Variants in GLRX2 observed in about 807,000 individuals in gnomAD.
GLRX2 encodes the protein bA101E13.1 (GRX2 glutaredoxin (thioltransferase) 2).
In GLRX2, 12 loss-of-function variants were observed where a neutral mutation model predicts 16.4. The observed-to-expected ratio is 0.73, with a 90% CI of 0.47 to 1.19. The LOEUF (loss-of-function observed/expected upper bound fraction) is 1.19, where lower values mean the gene tolerates loss of function less well. GLRX2 is among the 50% of genes most tolerant of loss of function. The pLI is 0.00. For synonymous variants in GLRX2, 95 were observed against 76.2 expected, an observed-to-expected ratio of 1.25 and a Z score of -1.28; for missense variants, 201 against 201.8, an observed-to-expected ratio of 1.00 and a Z score of 0.02.
chr1:193,096,637 T>C lies in GLRX2; in HGVS notation c.483A>G (p.Lys161=), dbSNP rs35090051. ...HQCYLKKSKR[K]EFQ ...ATTAGTATAAACATCACTGAAATTC[T>C]TTCCTCTTACTTTTTTTTAAATAAC... The change falls in exon 4 of 4, where the codon AAA becomes AAG. Residue 161 remains lysine, a synonymous_variant. Coordinates refer to ENST00000367439, the MANE Select transcript of GLRX2 (RefSeq NM_197962.3). 3.2e-4 allele frequency: 513 copies of C among 1,584,814 alleles called. 2 individuals are homozygous for C. In the African/African-American group the frequency reaches 6.0e-3, roughly 19 times the overall value.
chr1:193,101,487 G>C (rs1433264276), intron 1 of GLRX2, among the ~76,000 whole-genome samples: 1 of 152,112 alleles, frequency 6.6e-6, no homozygotes, highest in Non-Finnish European at 1.5e-5. Flanking sequence ...ATTTATAACT[G>C]GCAAATTTCA....
chr1:193,097,749 A>G lies in GLRX2; in HGVS notation c.195T>C (p.Ser65=), dbSNP rs1674988978. 1.9e-6 allele frequency: 3 copies of G among 1,580,800 alleles called. No homozygotes were observed. The highest frequency in any genetic ancestry group is 2.6e-6 in the Non-Finnish European group (3 of 1,167,508). ...TTGAGAAAATCACCACACAATTATC[A>G]GAAATTGTTTCCTGAAATAAAACCA... ...APVNQIQETI[S]DNCVVIFSKT... is the part of the protein sequence containing the mutation. The change falls in exon 3 of 4, where the codon TCT becomes TCC. Residue 65 remains serine, a synonymous_variant. Coordinates refer to ENST00000367439, the MANE Select transcript of GLRX2 (RefSeq NM_197962.3).
intron 2 of GLRX2, among the ~76,000 whole-genome samples, chr1:193,100,382 G>A (rs566054818): frequency 6.6e-6 from 1 of 152,326 alleles, no homozygotes; most frequent in South Asian, 2.1e-4. Context: ...GCTGAGGCAG[G>A]AGAATTGCTT....
intron 1 of GLRX2, among the ~76,000 whole-genome samples, chr1:193,104,673 G>A (rs1031724167): frequency 6.6e-6 from 1 of 152,224 alleles, no homozygotes; most frequent in African/African-American, 2.4e-5. Flanking sequence ...TGCAGGTCCC[G>A]AAGCCGCTGA....
chr1:193,104,840 T>A (rs866175047), intron 1 of GLRX2, among the ~76,000 whole-genome samples: 13 of 152,378 alleles, frequency 8.5e-5, no homozygotes, highest in African/African-American at 2.9e-4. Flanking sequence ...CAAACAAGAA[T>A]GCAGGACGCC....
chr1:193,101,098 T>C (rs1235869444), intron 2 of GLRX2, 43 bp downstream of exon 2: 3 of 1,273,898 alleles, frequency 2.4e-6, no homozygotes, highest in Non-Finnish European at 3.5e-6. Context: ...ACAATTCTTT[T>C]TCTACAGAGG....
At chr1:193,098,422 C>G (rs1230220327) in intron 2 of GLRX2, among the ~76,000 whole-genome samples, 2 of 152,054 alleles carry the variant, frequency 1.3e-5, no homozygotes, top group Admixed American at 1.3e-4. Flanking sequence ...TCCCTGTAAT[C>G]CCAGCTACTC....
intron 2 of GLRX2, 117 bp downstream of exon 2, chr1:193,101,024 C>T: frequency 1.4e-6 from 1 of 729,536 alleles, no homozygotes; most frequent in Non-Finnish European, 2.5e-6. Flanking sequence ...ATATTAATCT[C>T]TTAATTCATT....
At chr1:193,103,813 C>CAA (rs372615581) in intron 1 of GLRX2, among the ~76,000 whole-genome samples, 2 of 146,314 alleles carry the variant, frequency 1.4e-5, no homozygotes, top group Non-Finnish European at 3.0e-5. Flanking sequence ...CACTTTAAAA[C>CAA]AAAAAAAAAA....
chr1:193,102,097 G>A (rs368834815), intron 1 of GLRX2, among the ~76,000 whole-genome samples: 2 of 152,160 alleles, frequency 1.3e-5, no homozygotes, highest in East Asian at 3.9e-4. Flanking sequence ...ACATATAATA[G>A]ATGTTTCAAA....
Position 193,096,635 on chromosome 1 carries a change from T to C in GLRX2, c.485A>G (p.Glu162Gly), listed in dbSNP as rs112938279. 3.0e-5 allele frequency: 47 copies of C among 1,581,016 alleles called. No individual in the cohort carries two copies. In the African/African-American group the frequency reaches 5.9e-4, roughly 20 times the overall value. The change falls in exon 4 of 4, where the codon GAA (glutamate) becomes GGA (glycine). Residue 162 changes from glutamate (E) to glycine (G), a missense_variant. Coordinates refer to ENST00000367439, the MANE Select transcript of GLRX2 (RefSeq NM_197962.3). ...QCYLKKSKRK[E>G]FQ is the part of the protein sequence containing the mutation. ...TTATTAGTATAAACATCACTGAAAT[T>C]CTTTCCTCTTACTTTTTTTTAAATA...
At chr1:193,103,184 A>C (rs1675113583) in intron 1 of GLRX2, among the ~76,000 whole-genome samples, 1 of 152,160 alleles carries the variant, frequency 6.6e-6, no homozygotes, top group Admixed American at 6.5e-5. Context: ...AGGAAAAAAA[A>C]AATCACACGC....
At position 193,105,328 on chromosome 1, in the gene GLRX2, C is replaced by T; in HGVS notation, c.55G>A (p.Gly19Ser). The T allele has an allele frequency of 6.5e-7, 1 of 1,545,454 alleles. No homozygotes were observed. The highest frequency in any genetic ancestry group is 1.2e-5 in the South Asian group (1 of 84,998). Residue 19 changes from glycine to serine, a missense_variant, in exon 1 of 4, where the codon GGC (glycine) becomes AGC (serine). By Grantham distance (56) the Gly-to-Ser change is moderately conservative. Transcript: ENST00000367439. ...GCCCTGTCAAGCCAGCCTGCCGAGC[C>T]GCTCCTGCTCCAAACCAGCCGCGTC... is the stretch of plus-strand genomic sequence containing the variant. ...AGTRLVWSRS[G>S]SAGWLDRAAG...
intron 1 of GLRX2, 87 bp from the exon 2 acceptor site, chr1:193,101,291 A>C: frequency 1.2e-6 from 1 of 867,336 alleles, no homozygotes; most frequent in South Asian, 1.5e-5. Flanking sequence ...TCAATCTCAT[A>C]AACAAATATA....
At chr1:193,101,091 A>G (rs772025613) in intron 2 of GLRX2, 50 bp downstream of exon 2, 1 of 1,145,130 alleles carries the variant, frequency 8.7e-7, no homozygotes, top group Non-Finnish European at 1.3e-6. Flanking sequence ...ATAAGGGACA[A>G]TTCTTTTTCT....
At position 193,096,685 on chromosome 1, in the gene GLRX2, T is replaced by C; in HGVS notation, c.435A>G (p.Lys145=). ...AACACTGATGAACTAGTGGGAGCAA[T>C]TTTCCTTCTTTGTGAAGCCTATGAG... ...TDTHRLHKEG[K]LLPLVHQCYL... The change falls in exon 4 of 4, where the codon AAA becomes AAG. Residue 145 remains lysine, a synonymous_variant. Coordinates refer to ENST00000367439, the MANE Select transcript of GLRX2 (RefSeq NM_197962.3). 1.2e-6 allele frequency: 2 copies of C among 1,605,344 alleles called. No homozygotes were observed. The highest frequency in any genetic ancestry group is 1.1e-5 in the South Asian group (1 of 90,776).
At position 193,101,140 on chromosome 1, in the gene GLRX2, CT is replaced by C. The variant is rs1558267513; in HGVS notation, c.183del (p.Glu62LysfsTer9). On this transcript the variant is annotated frameshift_variant and splice_region_variant, in exon 2 of 4. Coordinates refer to ENST00000367439, the MANE Select transcript of GLRX2 (RefSeq NM_197962.3). LOFTEE classifies it high-confidence loss of function. ...TTTCAATCATCTCCCACATCACTCACTTGGATCTGGTTCACAGGCGCCGTCG... is the reference window on the plus strand; with the variant it reads ...TTTCAATCATCTCCCACATCACTCACTGGATCTGGTTCACAGGCGCCGTCG... ...NLATAPVNQI[Q>X]ETISDNCVVI... is the part of the protein sequence containing the mutation. 1 of 1,603,246 alleles carries C rather than the reference CT, an allele frequency of 6.2e-7. No individual in the cohort carries two copies. The highest frequency in any genetic ancestry group is 1.7e-5 in the Admixed American group (1 of 60,016).
chr1:193,103,053 A>T (rs181941804), intron 1 of GLRX2, among the ~76,000 whole-genome samples: 1 of 152,016 alleles, frequency 6.6e-6, no homozygotes, highest in Non-Finnish European at 1.5e-5. Context: ...ACTCCGTCTT[A>T]AATAATAATA....
At position 193,101,184 on chromosome 1, in the gene GLRX2, G is replaced by C; in HGVS notation, c.140C>G (p.Ser47Ter). ...CGCCGTCGCTAAATTCTCCAAAGATGATGATGTATTGCTCTCCATCCTAAA... is the reference window on the plus strand; with the variant it reads ...CGCCGTCGCTAAATTCTCCAAAGATCATGATGTATTGCTCTCCATCCTAAA... Reference protein sequence around the residue: ...AASGMESNTSSSLENLATAPV... With the variant: ...AASGMESNTS The change falls in exon 2 of 4, where the codon TCA (serine) becomes TGA (stop). Residue 47 changes from serine to a stop codon, truncating the protein, a stop_gained. Coordinates refer to ENST00000367439, the MANE Select transcript of GLRX2 (RefSeq NM_197962.3). LOFTEE classifies it high-confidence loss of function. 1 of 1,606,818 alleles carries C rather than the reference G, an allele frequency of 6.2e-7. No individual in the cohort carries two copies. The highest frequency in any genetic ancestry group is 8.5e-7 in the Non-Finnish European group (1 of 1,173,436).
Sources: allele counts gnomAD v4.1 joint callset (sites outside exome capture counted in the v4.1 genomes callset), GRCh38; gene constraint gnomAD v4.1.1; transcripts MANE v1.5; gene names NCBI Gene and HGNC (gene_info 2026-07-23, HGNC 2026-07-21).